UBAP1: variants seen among roughly 807,000 people sequenced by gnomAD.
The protein encoded by UBAP1 is ubiquitin associated protein 1, also known as ubiquitin-associated protein 1.
A neutral mutation model predicts 39.0 loss-of-function variants in UBAP1; 5 were observed. The ratio of observed to expected loss-of-function variants is 0.13; its 90% CI spans 0.07 to 0.27. UBAP1 has a LOEUF of 0.27. UBAP1 is among the 10% of genes least tolerant of loss of function. The pLI, the probability that UBAP1 is intolerant of heterozygous loss-of-function variation, is 1.00. For missense variants in UBAP1, 490 were observed against 608.1 expected (o/e 0.81, Z 2.04); for synonymous variants, 211 against 225.1 (o/e 0.94, Z 0.56).
chr9:34,214,695 T>C (rs1832200601), intron 1 of UBAP1, among the ~76,000 whole-genome samples: 1 of 151,694 alleles, frequency 6.6e-6, no homozygotes, highest in Admixed American at 6.6e-5. Context: ...GTCAGCAGAG[T>C]AAACAGACAA....
chr9:34,228,367 G>A (rs1449324982), intron 2 of UBAP1, among the ~76,000 whole-genome samples: 3 of 148,252 alleles, frequency 2.0e-5, no homozygotes, highest in Non-Finnish European at 4.5e-5. Context: ...GCAGTGAGCC[G>A]AGATTGTGCC....
chr9:34,226,359 CCT>C (rs1833107020), intron 2 of UBAP1, among the ~76,000 whole-genome samples: 1 of 151,926 alleles, frequency 6.6e-6, no homozygotes, highest in Admixed American at 6.6e-5. Context: ...GTCTCAGCCC[CCT>C]GAGTAGCTGG....
At chr9:34,187,873 C>T (rs1830491994) in intron 1 of UBAP1, among the ~76,000 whole-genome samples, 1 of 149,998 alleles carries the variant, frequency 6.7e-6, no homozygotes, top group East Asian at 1.9e-4. Flanking sequence ...ACTTGTGTGT[C>T]TCCTATCTAC....
chr9:34,201,929 C>G (rs572104825), intron 1 of UBAP1, among the ~76,000 whole-genome samples: 1 of 152,180 alleles, frequency 6.6e-6, no homozygotes, highest in African/African-American at 2.4e-5. Context: ...CAGAGAAACT[C>G]TTTTATGTTT....
At chr9:34,189,482 C>T (rs931147394) in intron 1 of UBAP1, among the ~76,000 whole-genome samples, 2 of 151,970 alleles carry the variant, frequency 1.3e-5, no homozygotes, top group African/African-American at 4.8e-5. Flanking sequence ...AGCCACCGCA[C>T]CCGGCCGATC....
intron 1 of UBAP1, among the ~76,000 whole-genome samples, chr9:34,195,946 T>G (rs1347637715): frequency 1.6e-5 from 2 of 121,724 alleles, no homozygotes; most frequent in East Asian, 2.5e-4. Context: ...TTTTTTTTTT[T>G]TTTTTTTTTT....
rs138477010 is a variant in UBAP1 at position 34,221,085 on chromosome 9, A to G, written c.34+137A>G. On this transcript the variant is annotated intron_variant, in intron 2 of 6. Transcript: ENST00000297661. ...CTTGACAAAAATAAAGTTGTACAAC[A>G]ATGTATCAAGTATATCTGAAAGGTC... 273 of 740,336 alleles carry G rather than the reference A, an allele frequency of 3.7e-4. 1 individual carries two copies. The highest frequency in any genetic ancestry group is 3.4e-3 in the African/African-American group (189 of 56,260). 45.9% of individuals were successfully genotyped at this position (740,336 alleles called of 1,614,324 possible). A position where few individuals can be genotyped will look rare whatever the true frequency, so the allele number is the denominator to read the frequency against.
chr9:34,215,491 C>T (rs1832255475), intron 1 of UBAP1, among the ~76,000 whole-genome samples: 1 of 144,694 alleles, frequency 6.9e-6, no homozygotes, highest in Non-Finnish European at 1.5e-5. Flanking sequence ...TATGAGGACG[C>T]AAAGGCATAA....
chr9:34,209,740 G>A (rs1333402383), intron 1 of UBAP1, among the ~76,000 whole-genome samples: 1 of 151,200 alleles, frequency 6.6e-6, no homozygotes, highest in Non-Finnish European at 1.5e-5. Context: ...GCGCTCTGTT[G>A]AATTACATAT....
rs144673403 is a variant in UBAP1, at chr9:34,182,645, T to C, written c.-8+3405T>C. Among the ~76,000 whole-genome samples, 243 of 60,772 alleles carry C rather than the reference T, an allele frequency of 4.0e-3. 1 individual carries two copies. The highest frequency in any genetic ancestry group is 0.019 in the South Asian group (19 of 1,002). 39.9% of individuals were successfully genotyped at this position (60,772 alleles called of 152,430 possible). ...TTTCTTTCTTTCTTTCTTTCTTTCT[T>C]TCTTTCTTTCTTTCTTTCTTTCTTT... On this transcript the variant is annotated intron_variant, in intron 1 of 6. Transcript: ENST00000297661.
chr9:34,228,143 G>A (rs1438325647), intron 2 of UBAP1, among the ~76,000 whole-genome samples: 3 of 151,262 alleles, frequency 2.0e-5, no homozygotes, highest in Admixed American at 2.0e-4. Flanking sequence ...AAGAAGCTGG[G>A]TGCGATGGCT....
rs1251204650 is a variant in UBAP1 at position 34,250,649 on chromosome 9, T to G, written c.1267-9T>G. 4.3e-6 allele frequency: 7 copies of G among 1,610,538 alleles called. No homozygotes were observed. In the Admixed American group the frequency reaches 5.0e-5, roughly 12 times the overall value. On this transcript the variant is annotated splice_polypyrimidine_tract_variant and intron_variant, in intron 5 of 6. Transcript: ENST00000297661. ...CAGTAGGTGCTAAACCCCTTGTTTCTTTTCTTAGATTCTCGACTATCTCTT... is the reference window on the plus strand; with the variant it reads ...CAGTAGGTGCTAAACCCCTTGTTTCGTTTCTTAGATTCTCGACTATCTCTT...
At chr9:34,187,718 T>A (rs1000077245) in intron 1 of UBAP1, among the ~76,000 whole-genome samples, 3 of 151,692 alleles carry the variant, frequency 2.0e-5, no homozygotes, top group South Asian at 2.1e-4. Context: ...CTTTTTTTTT[T>A]AAACTCTGTC....
intron 1 of UBAP1, among the ~76,000 whole-genome samples, chr9:34,193,006 A>G (rs1830818956): frequency 1.3e-5 from 2 of 152,070 alleles, no homozygotes; most frequent in Non-Finnish European, 2.9e-5. Flanking sequence ...TTATGTTCTT[A>G]AAATACTGTG....
Position 34,249,920 on chromosome 9 carries a change from G to A in UBAP1, c.1225G>A (p.Val409Ile). 1 of 1,614,194 alleles carries A rather than the reference G, an allele frequency of 6.2e-7. No homozygotes were observed. Among genetic ancestry groups the A allele is most frequent in the Non-Finnish European group, 8.5e-7 (1 of 1,180,042 alleles). ...VVNMGYSYEC[V>I]LRAMKKKGEN... is the part of the protein sequence containing the mutation. ...CAACATGGGCTACTCGTACGAGTGT[G>A]TCCTCAGAGCCATGAAGAAGAAAGG... is the stretch of plus-strand genomic sequence containing the variant. Residue 409 changes from valine (V) to isoleucine (I), a missense_variant, in exon 5 of 7, where the codon GTC becomes ATC. Physicochemically the swap from Val to Ile is conservative, Grantham distance 29. Transcript: ENST00000297661.
intron 1 of UBAP1, among the ~76,000 whole-genome samples, chr9:34,212,934 A>G (rs755341160): frequency 6.6e-6 from 1 of 152,232 alleles, no homozygotes; most frequent in Non-Finnish European, 1.5e-5. Flanking sequence ...TGATGAACAT[A>G]GATGCTAAAA....
intron 1 of UBAP1, among the ~76,000 whole-genome samples, chr9:34,196,715 G>C (rs987945905): frequency 2.6e-4 from 40 of 152,084 alleles, no homozygotes; most frequent in African/African-American, 9.2e-4. Context: ...AAAGCACCGG[G>C]ATTACAAGCG....
intron 6 of UBAP1, 38 bp downstream of exon 6, chr9:34,250,797 A>G (rs1298832297): frequency 1.3e-6 from 2 of 1,559,934 alleles, no homozygotes; most frequent in Non-Finnish European, 1.8e-6. Context: ...CCTCTGGAAA[A>G]GGAGGGACCA....
intron 2 of UBAP1, 32 bp from the exon 3 acceptor site, chr9:34,234,184 G>C: frequency 6.3e-7 from 1 of 1,576,456 alleles, no homozygotes. Flanking sequence ...GAAGTTCTTT[G>C]CTGATATTTT....
Sources: gnomAD v4.1 joint callset for allele counts (sites outside exome capture counted in the v4.1 genomes callset) on GRCh38, gnomAD v4.1.1 for gene constraint, MANE v1.5 for transcripts, NCBI Gene and HGNC (gene_info 2026-07-23, HGNC 2026-07-21) for gene names.